Variants in SLC35B4 observed in about 807,000 individuals in gnomAD.
SLC35B4 encodes the protein solute carrier family 35 member B4.
In SLC35B4, 28 loss-of-function variants were observed where a neutral mutation model predicts 39.5. That is an observed-to-expected ratio of 0.71 (90% CI 0.53 to 0.97). The LOEUF (loss-of-function observed/expected upper bound fraction) is 0.97. Among genes scored for constraint, SLC35B4 ranks in the 50% least tolerant of loss-of-function variants. SLC35B4 has a pLI of 0.00. For missense variants in SLC35B4, 334 were observed against 414.3 expected (o/e 0.81, Z 1.68); for synonymous variants, 145 against 150.4 (o/e 0.96, Z 0.26).
chr7:134,316,375 A>G (rs1028870112), intron 1 of SLC35B4, among the ~76,000 whole-genome samples: 1 of 152,216 alleles, frequency 6.6e-6, no homozygotes, highest in Admixed American at 6.5e-5. Flanking sequence ...TCAGACTTCA[A>G]TACCCCCCGA....
At chr7:134,305,774 G>T (rs1403091403) in intron 3 of SLC35B4, among the ~76,000 whole-genome samples, 1 of 152,094 alleles carries the variant, frequency 6.6e-6, no homozygotes, top group African/African-American at 2.4e-5. Context: ...AGGTTCAAGC[G>T]ATTCTCCTGC....
chr7:134,297,308 A>C (rs965238949), intron 8 of SLC35B4, among the ~76,000 whole-genome samples: 1 of 152,270 alleles, frequency 6.6e-6, no homozygotes, highest in Non-Finnish European at 1.5e-5. Flanking sequence ...ACTTGGCGTC[A>C]TTCTTTAAAA....
chr7:134,300,499 A>G (rs1803557999), intron 6 of SLC35B4, among the ~76,000 whole-genome samples: 1 of 152,202 alleles, frequency 6.6e-6, no homozygotes, highest in South Asian at 2.1e-4. Context: ...CAGATTGCAT[A>G]TGGAATTTTA....
chr7:134,316,785 A>G lies in SLC35B4; in HGVS notation c.-34T>C. The G allele has an allele frequency of 6.6e-7, 1 of 1,524,430 alleles. No homozygotes were observed. The highest frequency in any genetic ancestry group is 8.8e-7 in the Non-Finnish European group (1 of 1,137,000). 94.4% of individuals were successfully genotyped at this position (1,524,430 alleles called of 1,614,324 possible). A position where few individuals can be genotyped will look rare whatever the true frequency, so the allele number is the denominator to read the frequency against. Reference sequence around the variant, plus strand: ...CAGGGTTGGGGAAGCAAGCGCACAGAGTAAGCGCCCGCCTGTACCGCTACC... The same window carrying G: ...CAGGGTTGGGGAAGCAAGCGCACAGGGTAAGCGCCCGCCTGTACCGCTACC... On this transcript the variant is annotated 5_prime_UTR_variant, in exon 1 of 10. Transcript: ENST00000378509.
rs1364146064 is a variant in SLC35B4, at chr7:134,306,686, T to C, written c.280A>G (p.Met94Val). 2 of 1,613,758 alleles carry C rather than the reference T, an allele frequency of 1.2e-6. No homozygotes were observed. Among genetic ancestry groups the C allele is most frequent in the Non-Finnish European group, 8.5e-7 (1 of 1,179,834 alleles). ...GCAGCACTTACGGATCTAAATATCA[T>C]ATGCAGGGGCATGGCAATGTTGAGA... is the stretch of plus-strand genomic sequence containing the variant. ...LNLNIAMPLHMIFRSGSLIAN... is the reference protein window; with the variant it reads ...LNLNIAMPLHVIFRSGSLIAN... The change falls in exon 3 of 10, where the codon ATG (methionine) becomes GTG (valine). Residue 94 changes from methionine to valine, a missense_variant. By Grantham distance (21) the Met-to-Val change is conservative (BLOSUM62 1). Transcript: ENST00000378509.
In SLC35B4 at chr7:134,291,258, C is replaced by A. The variant is rs1031887960; in HGVS notation, c.*3575G>T. 1 of 151,892 alleles carries A rather than the reference C, an allele frequency of 6.6e-6. No individual in the cohort carries two copies. The highest frequency in any genetic ancestry group is 2.4e-5 in the African/African-American group (1 of 41,188). 9.4% of individuals were successfully genotyped at this position (151,892 alleles called of 1,614,324 possible). ...CAGATATGGCATTCACACATTCTGC[C>A]AGATATTCTCACTATTATGAATGTA... is the stretch of plus-strand genomic sequence containing the variant. On this transcript the variant is annotated 3_prime_UTR_variant, in exon 10 of 10. Transcript: ENST00000378509.
chr7:134,313,339 C>A (rs1175471360), intron 1 of SLC35B4, among the ~76,000 whole-genome samples: 2 of 152,108 alleles, frequency 1.3e-5, no homozygotes, highest in Non-Finnish European at 2.9e-5. Context: ...TCGTTTATGC[C>A]GTTTGCATTT....
chr7:134,301,369 G>A (rs1349391190), intron 6 of SLC35B4, among the ~76,000 whole-genome samples: 1 of 152,208 alleles, frequency 6.6e-6, no homozygotes, highest in Non-Finnish European at 1.5e-5. Context: ...AAGAAAATAA[G>A]TCTTTAGAAA....
chr7:134,303,632 ACT>A (rs1803643010), intron 4 of SLC35B4, among the ~76,000 whole-genome samples: 1 of 151,780 alleles, frequency 6.6e-6, no homozygotes, highest in Non-Finnish European at 1.5e-5. Flanking sequence ...ATACTTAAAA[ACT>A]CTAGGTTCTC....
At position 134,293,415 on chromosome 7, in the gene SLC35B4, G is replaced by C. The variant is rs1862048; in HGVS notation, c.*1418C>G. 0.35 allele frequency: 53,522 copies of C among 152,072 alleles called. 11,050 individuals are homozygous for C. Among genetic ancestry groups the C allele is most frequent in the South Asian group, 0.49 (2,377 of 4,808 alleles). The allele number at this position is 152,072 out of a possible 1,614,324, so 9.4% of individuals were successfully genotyped here. A position where few individuals can be genotyped will look rare whatever the true frequency, so the allele number is the denominator to read the frequency against. On this transcript the variant is annotated 3_prime_UTR_variant, in exon 10 of 10. Coordinates refer to ENST00000378509, the MANE Select transcript of SLC35B4 (RefSeq NM_032826.5). ...GGACCTCTGAAATGATTAGCAAAGA[G>C]AGGCATGTTTCCACACACAATAAAG... is the stretch of plus-strand genomic sequence containing the variant.
intron 2 of SLC35B4, among the ~76,000 whole-genome samples, chr7:134,307,289 T>C (rs2117306360): frequency 6.6e-6 from 1 of 151,862 alleles, no homozygotes; most frequent in Middle Eastern, 3.4e-3. Context: ...AAAATCAGGG[T>C]CTCTGTTTTT....
At chr7:134,308,221 G>A (rs1383647904) in intron 2 of SLC35B4, among the ~76,000 whole-genome samples, 3 of 152,272 alleles carry the variant, frequency 2.0e-5, no homozygotes, top group Admixed American at 6.5e-5. Context: ...AGAGTGGGGC[G>A]ACATGATAAA....
chr7:134,318,805 T>C (rs1643031), upstream of SLC35B4, among the ~76,000 whole-genome samples: 14,997 of 152,234 alleles, frequency 0.099, 1,896 homozygotes, highest in African/African-American at 0.29. Flanking sequence ...GCCTGAGTAC[T>C]GTAATATTTG....
intron 1 of SLC35B4, among the ~76,000 whole-genome samples, chr7:134,311,702 C>A (rs1803845219): frequency 2.0e-5 from 3 of 152,132 alleles, no homozygotes; most frequent in African/African-American, 7.2e-5. Context: ...CAAAGAGGCT[C>A]ACTCTCCCAC....
At position 134,293,462 on chromosome 7, in the gene SLC35B4, C is replaced by A. The variant is rs1803379434; in HGVS notation, c.*1371G>T. 1 of 152,234 alleles carries A rather than the reference C, an allele frequency of 6.6e-6. No individual in the cohort carries two copies. 9.4% of individuals were successfully genotyped at this position (152,234 alleles called of 1,614,324 possible). On this transcript the variant is annotated 3_prime_UTR_variant, in exon 10 of 10. Transcript: ENST00000378509. ...AAAGCACATCCAACCATCCTCAATACCCATCGAGAATGCTAAGATACCTCA... is the reference window on the plus strand; with the variant it reads ...AAAGCACATCCAACCATCCTCAATAACCATCGAGAATGCTAAGATACCTCA...
intron 2 of SLC35B4, among the ~76,000 whole-genome samples, chr7:134,309,158 T>G (rs1181017339): frequency 6.6e-6 from 1 of 152,204 alleles, no homozygotes; most frequent in Non-Finnish European, 1.5e-5. Flanking sequence ...CCATCATGGT[T>G]ATTTTAAATC....
chr7:134,316,256 A>C (rs1803971864), intron 1 of SLC35B4, among the ~76,000 whole-genome samples: 1 of 152,326 alleles, frequency 6.6e-6, no homozygotes, highest in Non-Finnish European at 1.5e-5. Context: ...AACAGGATCG[A>C]AAAAAGAGCT....
chr7:134,306,793 A>C lies in SLC35B4; in HGVS notation c.192-19T>G, dbSNP rs1402290778. The stretch of plus-strand genomic sequence containing the variant: ...ATAGTACCTGAAATGCAGACAGAAC[A>C]GCTCATCAAACAGAATCTAGGATTT... On this transcript the variant is annotated intron_variant, in intron 2 of 9. Transcript: ENST00000378509. 1 of 1,570,794 alleles carries C rather than the reference A, an allele frequency of 6.4e-7. No individual in the cohort carries two copies. The highest frequency in any genetic ancestry group is 8.7e-7 in the Non-Finnish European group (1 of 1,146,248).
intron 2 of SLC35B4, among the ~76,000 whole-genome samples, chr7:134,307,971 CA>C (rs1803748109): frequency 6.6e-6 from 1 of 152,200 alleles, no homozygotes; most frequent in South Asian, 2.1e-4. Flanking sequence ...GTGCCATTTA[CA>C]GAGTTTGTCA....
Sources: gnomAD v4.1 joint callset for allele counts (sites outside exome capture counted in the v4.1 genomes callset) on GRCh38, gnomAD v4.1.1 for gene constraint, MANE v1.5 for transcripts, NCBI Gene and HGNC (gene_info 2026-07-23, HGNC 2026-07-21) for gene names.